PIK3R4: variants seen among roughly 807,000 people sequenced by gnomAD.
PIK3R4 encodes the protein phosphoinositide 3-kinase regulatory subunit 4.
PIK3R4 carries 46 observed loss-of-function variants against 136.5 expected under a neutral mutation model. The ratio of observed to expected loss-of-function variants is 0.34; its 90% confidence interval spans 0.27 to 0.43. PIK3R4 has a LOEUF of 0.43. Among genes scored for constraint, PIK3R4 ranks in the 20% least tolerant of loss-of-function variants. The pLI is 1.00. For synonymous variants in PIK3R4, 557 were observed against 566.7 expected, an observed-to-expected ratio of 0.98 and a Z score of 0.24; for missense variants, 1,331 against 1,649.5, an observed-to-expected ratio of 0.81 and a Z score of 3.35.
At chr3:130,681,099 A>C (rs1348898182) in intron 17 of PIK3R4, 34 bp from the exon 18 acceptor site, 1 of 1,121,210 alleles carries the variant, frequency 8.9e-7, no homozygotes, top group Admixed American at 1.7e-5. Context: ...CAAATAAAAG[A>C]CATCCGTGTA....
intron 14 of PIK3R4, among the ~76,000 whole-genome samples, chr3:130,689,932 C>A (rs2066507470): frequency 6.6e-6 from 1 of 152,190 alleles, no homozygotes; most frequent in Non-Finnish European, 1.5e-5. Flanking sequence ...TGCATTTAAT[C>A]TGCAAGCAAC....
At chr3:130,719,969 G>C (rs2107614065) in intron 7 of PIK3R4, among the ~76,000 whole-genome samples, 1 of 152,264 alleles carries the variant, frequency 6.6e-6, no homozygotes, top group South Asian at 2.1e-4. Flanking sequence ...ATGAATCACA[G>C]TCATCACAGA....
At position 130,728,682 on chromosome 3, in the gene PIK3R4, GCT is replaced by G. The variant is rs1428493889; in HGVS notation, c.1586_1587del (p.Glu529AlafsTer6). On this transcript the variant is annotated frameshift_variant and splice_region_variant, in exon 6 of 20. Transcript: ENST00000356763. LOFTEE classifies it high-confidence loss of function. ...VTHPNGNYDT[E>X]LQALHEMVQQ... ...TGGACCATTTCATGTAAGGCTTGGAGCTCTAAAAAAAAAAAAAAAAGAAAGAA... is the reference window on the plus strand; with the variant it reads ...TGGACCATTTCATGTAAGGCTTGGAGCTAAAAAAAAAAAAAAAAGAAAGAA... 17 of 1,242,738 alleles carry G rather than the reference GCT, an allele frequency of 1.4e-5. No individual in the cohort carries two copies. Among genetic ancestry groups the G allele is most frequent in the Admixed American group, 3.0e-5 (1 of 33,600 alleles). The allele number at this position is 1,242,738 out of a possible 1,614,324, so 77.0% of individuals were successfully genotyped here.
Position 130,703,899 on chromosome 3 carries a change from G to A in PIK3R4, c.2933-11C>T, listed in dbSNP as rs1302237771. The A allele has an allele frequency of 3.8e-6, 6 of 1,595,622 alleles. No individual in the cohort carries two copies. Among genetic ancestry groups the A allele is most frequent in the Admixed American group, 1.7e-5 (1 of 59,206 alleles). Reference sequence around the variant, plus strand: ...CTTTAGGACGCCATCCTAAGGAAAAGCAAAGGAGTGTATCATAAACTGTAG... The same window carrying A: ...CTTTAGGACGCCATCCTAAGGAAAAACAAAGGAGTGTATCATAAACTGTAG... On this transcript the variant is annotated splice_polypyrimidine_tract_variant and intron_variant, in intron 12 of 19. Coordinates refer to ENST00000356763, the MANE Select transcript of PIK3R4 (RefSeq NM_014602.3).
At chr3:130,684,459 G>A (rs1474705060) in intron 15 of PIK3R4, 78 bp from the exon 16 acceptor site, 30 of 1,279,508 alleles carry the variant, frequency 2.3e-5, no homozygotes, top group Non-Finnish European at 3.3e-5. Flanking sequence ...ATGAAAAATA[G>A]TATTAGCTTT....
Position 130,745,186 on chromosome 3 carries a change from G to A in PIK3R4, c.33C>T (p.Ser11=), listed in dbSNP as rs375798417. The A allele has an allele frequency of 9.4e-5, 151 of 1,606,462 alleles. No individual in the cohort carries two copies. Among genetic ancestry groups the A allele is most frequent in the Non-Finnish European group, 1.2e-4 (143 of 1,178,850 alleles). The change falls in exon 2 of 20, where the codon TCC becomes TCT. Residue 11 remains serine (S), a synonymous_variant. Coordinates refer to ENST00000356763, the MANE Select transcript of PIK3R4 (RefSeq NM_014602.3). MGNQLAGIAP[S]QILSVESYFS... Reference sequence around the variant, plus strand: ...AATAACTCTCTACAGAAAGGATCTGGGAGGGAGCAATGCCAGCAAGCTGAT... The same window carrying A: ...AATAACTCTCTACAGAAAGGATCTGAGAGGGAGCAATGCCAGCAAGCTGAT...
chr3:130,731,678 C>T (rs953984277), intron 4 of PIK3R4, among the ~76,000 whole-genome samples: 1 of 152,174 alleles, frequency 6.6e-6, no homozygotes, highest in Non-Finnish European at 1.5e-5. Flanking sequence ...AACCACAGCA[C>T]ACTTGGAAGT....
At chr3:130,682,700 G>A (rs1242238533) in intron 16 of PIK3R4, among the ~76,000 whole-genome samples, 6 of 152,090 alleles carry the variant, frequency 3.9e-5, no homozygotes, top group Non-Finnish European at 7.4e-5. Flanking sequence ...GCTGTTACCA[G>A]CCCATATTAC....
Position 130,679,311 on chromosome 3 carries a change from G to C in PIK3R4, c.*4C>G. ...CTATTAAAATTTATACAAATCAGTA[G>C]GTTTTATTTCCACACCTTCACAATC... On this transcript the variant is annotated 3_prime_UTR_variant, in exon 20 of 20. Coordinates refer to ENST00000356763, the MANE Select transcript of PIK3R4 (RefSeq NM_014602.3). 1 of 1,564,032 alleles carries C rather than the reference G, an allele frequency of 6.4e-7. No homozygotes were observed. Among genetic ancestry groups the C allele is most frequent in the Non-Finnish European group, 8.7e-7 (1 of 1,148,762 alleles).
intron 14 of PIK3R4, among the ~76,000 whole-genome samples, chr3:130,688,059 G>A (rs184776542): frequency 2.9e-4 from 44 of 152,196 alleles, no homozygotes; most frequent in African/African-American, 9.6e-4. Context: ...GCATCTGTTC[G>A]TGTGTTTGTA....
Position 130,680,999 on chromosome 3 carries a change from C to CTGT in PIK3R4, c.3772_3774dup (p.Thr1258dup). ...TACCTTATTTTCATATCTGAGCCAGCTGTTAGTAGGATAGGATTTCCATCT... is the reference window on the plus strand; with the variant it reads ...TACCTTATTTTCATATCTGAGCCAGCTGTTGTTAGTAGGATAGGATTTCCATCT... On this transcript the variant is annotated inframe_insertion, in exon 18 of 20. Transcript: ENST00000356763. The CTGT allele has an allele frequency of 6.4e-7, 1 of 1,567,764 alleles. No individual in the cohort carries two copies. Among genetic ancestry groups the CTGT allele is most frequent in the Non-Finnish European group, 8.7e-7 (1 of 1,145,154 alleles).
intron 2 of PIK3R4, among the ~76,000 whole-genome samples, chr3:130,737,241 C>T (rs1031096432): frequency 3.3e-5 from 5 of 152,214 alleles, no homozygotes; most frequent in Non-Finnish European, 7.3e-5. Flanking sequence ...ACCGCCACAC[C>T]CCTCACCGGA....
At chr3:130,688,209 A>C (rs1272418946) in intron 14 of PIK3R4, among the ~76,000 whole-genome samples, 1 of 152,162 alleles carries the variant, frequency 6.6e-6, no homozygotes, top group Non-Finnish European at 1.5e-5. Context: ...CATAACTACA[A>C]TACATTTACT....
intron 4 of PIK3R4, among the ~76,000 whole-genome samples, chr3:130,731,987 G>A (rs2066762266): frequency 6.6e-6 from 1 of 152,092 alleles, no homozygotes; most frequent in Admixed American, 6.6e-5. Flanking sequence ...ACTGGGCCTT[G>A]AAGAAATAAC....
intron 7 of PIK3R4, among the ~76,000 whole-genome samples, chr3:130,721,929 T>C (rs528434542): frequency 6.6e-6 from 1 of 152,172 alleles, no homozygotes; most frequent in Non-Finnish European, 1.5e-5. Flanking sequence ...ACTATGGATA[T>C]GTCAATTAAC....
At chr3:130,685,369 T>C (rs549258554) in intron 15 of PIK3R4, among the ~76,000 whole-genome samples, 1 of 152,336 alleles carries the variant, frequency 6.6e-6, no homozygotes, top group South Asian at 2.1e-4. Flanking sequence ...TCACACACTG[T>C]ACCCAATAAA....
Position 130,728,686 on chromosome 3 carries a change from T to TA in PIK3R4, c.1586-3dup, listed in dbSNP as rs5852606. On this transcript the variant is annotated splice_polypyrimidine_tract_variant and splice_region_variant and intron_variant, in intron 5 of 19. Coordinates refer to ENST00000356763, the MANE Select transcript of PIK3R4 (RefSeq NM_014602.3). ...CCATTTCATGTAAGGCTTGGAGCTC[T>TA]AAAAAAAAAAAAAAAAGAAAGAAAG... 253,382 of 1,017,554 alleles carry TA rather than the reference T, an allele frequency of 0.25. 13,709 individuals carry two copies. Among genetic ancestry groups the TA allele is most frequent in the African/African-American group, 0.55 (28,271 of 51,564 alleles). 63.0% of individuals were successfully genotyped at this position (1,017,554 alleles called of 1,614,324 possible).
At chr3:130,730,491 G>A (rs751080428) in intron 4 of PIK3R4, 49 bp from the exon 5 acceptor site, 3 of 1,347,802 alleles carry the variant, frequency 2.2e-6, no homozygotes, top group African/African-American at 1.5e-5. Context: ...TTAACTCTCT[G>A]TAAAGCTTAT....
chr3:130,720,671 G>T (rs2066694581), intron 7 of PIK3R4, among the ~76,000 whole-genome samples: 1 of 152,024 alleles, frequency 6.6e-6, no homozygotes, highest in African/African-American at 2.4e-5. Flanking sequence ...TCCTCTTGTA[G>T]AAAAAAATCT....
Sources: gnomAD v4.1 joint callset for allele counts (sites outside exome capture counted in the v4.1 genomes callset) on GRCh38, gnomAD v4.1.1 for gene constraint, MANE v1.5 for transcripts, NCBI Gene and HGNC (gene_info 2026-07-23, HGNC 2026-07-21) for gene names.